GPC6: variants seen among roughly 807,000 people sequenced by gnomAD.
GPC6 encodes glypican-6.
GPC6 carries 14 observed loss-of-function variants against 55.2 expected under a neutral mutation model. That is an observed-to-expected ratio of 0.25 (90% CI 0.17 to 0.40). GPC6 has a LOEUF of 0.40. Among genes scored for constraint, GPC6 ranks in the 10% least tolerant of loss-of-function variants. GPC6 has a pLI of 1.00. For synonymous variants in GPC6, 278 were observed against 259.6 expected (o/e 1.07, Z -0.68); for missense variants, 641 against 708.5 (o/e 0.90, Z 1.08).
At chr13:94,170,878 C>G (rs992618471) in intron 4 of GPC6, among the ~76,000 whole-genome samples, 1 of 152,184 alleles carries the variant, frequency 6.6e-6, no homozygotes. Context: ...GTGGGACTTA[C>G]AGGCTTTCTC....
intron 2 of GPC6, among the ~76,000 whole-genome samples, chr13:93,812,350 C>CTT (rs1382081872): frequency 2.6e-5 from 4 of 151,260 alleles, no homozygotes; most frequent in Non-Finnish European, 5.9e-5. Context: ...CGTGCCACTG[C>CTT]ACTCCAGCCT....
At chr13:93,485,328 A>G (rs935898464) in intron 1 of GPC6, among the ~76,000 whole-genome samples, 2 of 152,190 alleles carry the variant, frequency 1.3e-5, no homozygotes, top group Non-Finnish European at 2.9e-5. Flanking sequence ...TAATCCAGCC[A>G]AACTTGAGGT....
At chr13:93,794,597 G>A (rs118119271) in intron 2 of GPC6, among the ~76,000 whole-genome samples, 1,605 of 152,258 alleles carry the variant, frequency 0.011, 14 homozygotes, top group Non-Finnish European at 0.015. Context: ...GTTGTTTTAG[G>A]GCCATCACTT....
chr13:93,406,559 A>G (rs1400280827), intron 1 of GPC6, among the ~76,000 whole-genome samples: 1 of 152,200 alleles, frequency 6.6e-6, no homozygotes, highest in Non-Finnish European at 1.5e-5. Context: ...TTGAACAATA[A>G]CTTCATGTAT....
chr13:93,552,671 A>G (rs1295061276), intron 2 of GPC6, among the ~76,000 whole-genome samples: 2 of 152,112 alleles, frequency 1.3e-5, no homozygotes, highest in Admixed American at 6.6e-5. Flanking sequence ...TTGTAATATT[A>G]TCATCTTATT....
At chr13:93,342,647 C>A (rs945926871) in intron 1 of GPC6, among the ~76,000 whole-genome samples, 1 of 151,988 alleles carries the variant, frequency 6.6e-6, no homozygotes, top group Non-Finnish European at 1.5e-5. Flanking sequence ...AGGAGAGAAA[C>A]GATGGTGGGT....
At chr13:93,650,572 A>C (rs1314826625) in intron 2 of GPC6, among the ~76,000 whole-genome samples, 10 of 152,138 alleles carry the variant, frequency 6.6e-5, no homozygotes, top group Non-Finnish European at 1.3e-4. Flanking sequence ...TCATGATAGA[A>C]ATGTGTATGT....
intron 3 of GPC6, among the ~76,000 whole-genome samples, chr13:93,901,113 G>A (rs536450331): frequency 6.6e-6 from 1 of 152,220 alleles, no homozygotes; most frequent in Admixed American, 6.5e-5. Flanking sequence ...TTTTAAAAAC[G>A]ATGATCAATT....
chr13:93,931,902 C>A (rs1202050405), intron 3 of GPC6, among the ~76,000 whole-genome samples: 1 of 151,920 alleles, frequency 6.6e-6, no homozygotes, highest in East Asian at 1.9e-4. Context: ...GTCCATCTGA[C>A]TTAAAGTAGT....
intron 4 of GPC6, among the ~76,000 whole-genome samples, chr13:94,122,605 C>T (rs561072962): frequency 4.6e-5 from 7 of 152,176 alleles, no homozygotes; most frequent in African/African-American, 1.7e-4. Context: ...GATGAAACCA[C>T]ACTGCAGGAT....
chr13:93,731,958 T>A (rs1313374800), intron 2 of GPC6, among the ~76,000 whole-genome samples: 1 of 152,168 alleles, frequency 6.6e-6, no homozygotes, highest in Non-Finnish European at 1.5e-5. Context: ...ATATTCTTCA[T>A]CTCTGTATTC....
At chr13:93,580,361 C>T (rs190971578) in intron 2 of GPC6, among the ~76,000 whole-genome samples, 21 of 152,270 alleles carry the variant, frequency 1.4e-4, no homozygotes, top group Admixed American at 8.5e-4. Context: ...GGGAAACAAA[C>T]ATTTAGTTTA....
At chr13:93,524,385 T>C (rs1881566733) in intron 1 of GPC6, among the ~76,000 whole-genome samples, 1 of 151,938 alleles carries the variant, frequency 6.6e-6, no homozygotes, top group African/African-American at 2.4e-5. Context: ...GATGAATAAA[T>C]AGGTACAATA....
chr13:93,741,717 C>G (rs180900600), intron 2 of GPC6, among the ~76,000 whole-genome samples: 1 of 152,166 alleles, frequency 6.6e-6, no homozygotes, highest in African/African-American at 2.4e-5. Flanking sequence ...ATTAGTTTTG[C>G]TTTTTTCCAT....
chr13:93,749,292 G>A (rs1057495657), intron 2 of GPC6, among the ~76,000 whole-genome samples: 42 of 152,012 alleles, frequency 2.8e-4, no homozygotes, highest in Non-Finnish European at 2.2e-4. Context: ...TCTTTGGTAA[G>A]ATATTTTAAC....
intron 3 of GPC6, among the ~76,000 whole-genome samples, chr13:93,980,756 A>G (rs1880766501): frequency 6.6e-6 from 1 of 152,124 alleles, no homozygotes; most frequent in Non-Finnish European, 1.5e-5. Flanking sequence ...GGGGGTACAA[A>G]TGTCTGGCCC....
chr13:94,379,659 A>C lies in GPC6; in HGVS notation c.1153-2755A>C, dbSNP rs141204399. On this transcript the variant is annotated intron_variant, in intron 6 of 8. Coordinates refer to ENST00000377047, the MANE Select transcript of GPC6 (RefSeq NM_005708.5). ...CCATTATCTTAACCAACATTTATTG[A>C]GCATGTACTGTGTGCTTAGACCTGT... Among the ~76,000 whole-genome samples, 50 of 152,258 alleles carry C rather than the reference A, an allele frequency of 3.3e-4. No individual in the cohort carries two copies. The East Asian group carries it at 9.7e-3, about 29-fold the overall frequency.
chr13:94,208,612 G>A (rs1889975963), intron 4 of GPC6, among the ~76,000 whole-genome samples: 1 of 151,952 alleles, frequency 6.6e-6, no homozygotes, highest in Non-Finnish European at 1.5e-5. Context: ...TGTCCTTTTT[G>A]TTCTTTCTCC....
At chr13:93,934,265 CTAAGTA>C (rs1298748117) in intron 3 of GPC6, among the ~76,000 whole-genome samples, 2 of 151,776 alleles carry the variant, frequency 1.3e-5, no homozygotes, top group African/African-American at 4.8e-5. Context: ...AGATGAGCTG[CTAAGTA>C]TAAGTTATAG....
Sources: allele counts gnomAD v4.1 joint callset (sites outside exome capture counted in the v4.1 genomes callset), GRCh38; gene constraint gnomAD v4.1.1; transcripts MANE v1.5; gene names NCBI Gene and HGNC (gene_info 2026-07-23, HGNC 2026-07-21).